CELF1: variants seen among roughly 807,000 people sequenced by gnomAD.
CELF1 encodes the protein CUGBP Elav-like family member 1, also known as 50 kDa nuclear polyadenylated RNA-binding protein.
CELF1 carries 10 observed loss-of-function variants against 61.8 expected under a neutral mutation model. The ratio of observed to expected loss-of-function variants is 0.16; its 90% CI spans 0.10 to 0.27. The LOEUF (loss-of-function observed/expected upper bound fraction) is 0.27, where lower values mean the gene tolerates loss of function less well. Ranked by LOEUF, CELF1 falls within the 10% of genes least tolerant of loss-of-function variation. The pLI is 1.00. For missense variants in CELF1, 380 were observed against 639.1 expected (o/e 0.59, Z 4.37); for synonymous variants, 236 against 225.1 (o/e 1.05, Z -0.43).
At chr11:47,522,021 C>T (rs1439630410) in intron 1 of CELF1, among the ~76,000 whole-genome samples, 5 of 152,006 alleles carry the variant, frequency 3.3e-5, no homozygotes, top group South Asian at 2.1e-4. Context: ...AGAGATTCTC[C>T]GGCCTCAGCC....
intron 1 of CELF1, among the ~76,000 whole-genome samples, chr11:47,507,885 A>C (rs1239213276): frequency 1.3e-5 from 2 of 152,110 alleles, no homozygotes; most frequent in African/African-American, 4.8e-5. Context: ...CAGTAATTTT[A>C]AGGGCAAAGT....
chr11:47,467,342 A>G lies in CELF1; in HGVS notation c.*4888T>C, dbSNP rs2076840916. 2 of 152,112 alleles carry G rather than the reference A, an allele frequency of 1.3e-5. No individual in the cohort carries two copies. The highest frequency in any genetic ancestry group is 2.9e-5 in the Non-Finnish European group (2 of 68,038). 9.4% of individuals were successfully genotyped at this position (152,112 alleles called of 1,614,324 possible). On this transcript the variant is annotated 3_prime_UTR_variant, in exon 15 of 15. Transcript: ENST00000687097. ...CAAGAGAGGAGGGTCAGTTTCCCTC[A>G]GGGAACCAAAAAACTGGCTTGCTTG...
At chr11:47,473,915 C>A (rs890102256) in intron 13 of CELF1, among the ~76,000 whole-genome samples, 2 of 131,662 alleles carry the variant, frequency 1.5e-5, no homozygotes, top group Non-Finnish European at 3.2e-5. Context: ...TTTTTTCTTT[C>A]TTTTTTTTTG....
intron 1 of CELF1, among the ~76,000 whole-genome samples, chr11:47,507,421 T>C (rs1427892414): frequency 1.3e-5 from 2 of 151,644 alleles, no homozygotes; most frequent in Admixed American, 1.3e-4. Flanking sequence ...CCACTGTAAA[T>C]GCATCTTGGT....
chr11:47,485,832 C>T (rs2086532347), intron 6 of CELF1, among the ~76,000 whole-genome samples: 1 of 147,348 alleles, frequency 6.8e-6, no homozygotes, highest in African/African-American at 2.5e-5. Flanking sequence ...GCTGGGATTA[C>T]AAGCATGAGC....
intron 1 of CELF1, among the ~76,000 whole-genome samples, chr11:47,537,749 C>T (rs2096665674): frequency 1.3e-5 from 2 of 152,072 alleles, no homozygotes; most frequent in Admixed American, 1.3e-4. Context: ...TGCCATTTGA[C>T]TAGACATGGA....
intron 9 of CELF1, among the ~76,000 whole-genome samples, chr11:47,481,099 CTTCTTTTTTTTTTTTTTTTTTTTTTTTT>C (rs2082911433): frequency 3.2e-5 from 2 of 62,294 alleles, no homozygotes; most frequent in Admixed American, 2.2e-4. Context: ...TTTTTTTCTT[CTTCTTTTTTTTTTTTTTTTTTTTTTTTT>C]GTGAGACAGA....
At chr11:47,518,073 G>A (rs1381553583) in intron 1 of CELF1, among the ~76,000 whole-genome samples, 1 of 152,080 alleles carries the variant, frequency 6.6e-6, no homozygotes, top group Admixed American at 6.6e-5. Context: ...AGGAAAACTC[G>A]TGGAACTATA....
chr11:47,536,498 C>A (rs1296843144), intron 1 of CELF1, among the ~76,000 whole-genome samples: 7 of 152,076 alleles, frequency 4.6e-5, no homozygotes, highest in Non-Finnish European at 1.0e-4. Context: ...GTGGCTCATG[C>A]CTGTAATCTC....
intron 10 of CELF1, 93 bp from the exon 11 acceptor site, chr11:47,477,518 C>G: frequency 7.3e-7 from 1 of 1,361,972 alleles, no homozygotes; most frequent in Non-Finnish European, 1.0e-6. Flanking sequence ...AGGGCTGGTC[C>G]CTGACAAAGA....
At chr11:47,531,209 T>C (rs2096461087) in intron 1 of CELF1, among the ~76,000 whole-genome samples, 1 of 151,886 alleles carries the variant, frequency 6.6e-6, no homozygotes, top group South Asian at 2.1e-4. Context: ...ATCGCACCAC[T>C]GCACTCCAGC....
intron 9 of CELF1, among the ~76,000 whole-genome samples, chr11:47,480,189 C>T (rs1230660351): frequency 6.6e-6 from 1 of 151,398 alleles, no homozygotes; most frequent in Non-Finnish European, 1.5e-5. Flanking sequence ...CAGGTTCAAG[C>T]GATTCTCCTG....
chr11:47,483,733 T>G (rs981868373), intron 7 of CELF1, among the ~76,000 whole-genome samples: 6 of 152,040 alleles, frequency 3.9e-5, no homozygotes, highest in African/African-American at 7.2e-5. Context: ...AAAAAATGCT[T>G]GACAGGAGAA....
chr11:47,541,994 T>C lies in CELF1; in HGVS notation c.-154+10998A>G, dbSNP rs2096819026. 2.6e-5 allele frequency among the ~76,000 whole-genome samples: 4 copies of C among 152,070 alleles called. No individual in the cohort carries two copies. In the South Asian group the frequency reaches 8.3e-4, roughly 32 times the overall value. On this transcript the variant is annotated intron_variant, in intron 1 of 14. Transcript: ENST00000687097. ...TTATAACTTAGAAAGAAAGTAAAAT[T>C]ATTCAACTCCATTTTGTCAAAGCTG...
intron 1 of CELF1, among the ~76,000 whole-genome samples, chr11:47,514,611 T>C (rs902200721): frequency 1.3e-5 from 2 of 151,082 alleles, no homozygotes; most frequent in Non-Finnish European, 2.9e-5. Context: ...ATCCCAGCAC[T>C]TTGGGAGGCC....
intron 1 of CELF1, among the ~76,000 whole-genome samples, chr11:47,549,350 G>A (rs543651849): frequency 6.6e-6 from 1 of 152,256 alleles, no homozygotes; most frequent in Non-Finnish European, 1.5e-5. Flanking sequence ...TTGTTCCAGA[G>A]GCTGGAATAC....
intron 11 of CELF1, 83 bp downstream of exon 11, chr11:47,477,214 T>C (rs1028524265): frequency 2.7e-6 from 4 of 1,482,790 alleles, no homozygotes; most frequent in Non-Finnish European, 3.7e-6. Context: ...GTGTTAACTA[T>C]TTTCCCTCTC....
At chr11:47,475,740 G>A (rs2079760888) in intron 12 of CELF1, among the ~76,000 whole-genome samples, 1 of 152,138 alleles carries the variant, frequency 6.6e-6, no homozygotes, top group Admixed American at 6.5e-5. Flanking sequence ...CGCGGGTGTT[G>A]TGCTCCCCAT....
intron 1 of CELF1, among the ~76,000 whole-genome samples, chr11:47,536,037 T>C (rs140405991): frequency 0.021 from 3,148 of 152,242 alleles, 126 homozygotes; most frequent in African/African-American, 0.072. Flanking sequence ...GCTGGGATTA[T>C]AGGCATGAGC....
Sources: gnomAD v4.1 joint callset for allele counts (sites outside exome capture counted in the v4.1 genomes callset) on GRCh38, gnomAD v4.1.1 for gene constraint, MANE v1.5 for transcripts, NCBI Gene and HGNC (gene_info 2026-07-23, HGNC 2026-07-21) for gene names.